EPB41L3: variants seen among roughly 807,000 people sequenced by gnomAD.
EPB41L3 encodes erythrocyte membrane protein band 4.1 like 3.
A neutral mutation model predicts 127.1 loss-of-function variants in EPB41L3; 57 were observed. The ratio of observed to expected loss-of-function variants is 0.45; its 90% CI spans 0.36 to 0.56. The LOEUF is 0.56. Among genes scored for constraint, EPB41L3 ranks in the 20% least tolerant of loss-of-function variants. The pLI is 0.00. For missense variants in EPB41L3, 1,273 were observed against 1,372.2 expected, an observed-to-expected ratio of 0.93 and a Z score of 1.14; for synonymous variants, 572 against 549.5, an observed-to-expected ratio of 1.04 and a Z score of -0.57.
At chr18:5,630,488 G>A, upstream of EPB41L3, 1 of 518,740 alleles carries the variant, frequency 1.9e-6, no homozygotes, top group Non-Finnish European at 3.8e-6. Flanking sequence ...AGGTAGGGCT[G>A]CTCACAGGTC....
Position 5,512,735 on chromosome 18 carries a change from G to A in EPB41L3, c.-11-23541C>T, listed in dbSNP as rs2092587178. 2.0e-5 allele frequency among the ~76,000 whole-genome samples: 3 copies of A among 152,114 alleles called. No individual in the cohort carries two copies. The South Asian group carries it at 6.2e-4, about 32-fold the overall frequency. ...GAGAGGAGTTTTGGAAGGCAGGGAG[G>A]ATGGGGAGCTTTAGCCCTCCCCAGT... On this transcript the variant is annotated intron_variant, in intron 1 of 22. Transcript: ENST00000341928.
At chr18:5,534,417 G>A (rs2093508187) in intron 1 of EPB41L3, among the ~76,000 whole-genome samples, 1 of 152,158 alleles carries the variant, frequency 6.6e-6, no homozygotes, top group South Asian at 2.1e-4. Context: ...TACTTGTCGG[G>A]ACATAAGGAG....
At chr18:5,580,587 T>C (rs1195825302) in intron 3 of EPB41L3, among the ~76,000 whole-genome samples, 2 of 152,176 alleles carry the variant, frequency 1.3e-5, no homozygotes, top group East Asian at 3.8e-4. Context: ...TACAATCATA[T>C]ATCCATTAGT....
At chr18:5,417,802 G>A (rs961929172) in intron 12 of EPB41L3, among the ~76,000 whole-genome samples, 8 of 152,020 alleles carry the variant, frequency 5.3e-5, no homozygotes, top group African/African-American at 7.3e-5. Flanking sequence ...CATTAAAGAC[G>A]GCACTTTAAA....
At chr18:5,425,342 T>C (rs566428001) in intron 9 of EPB41L3, among the ~76,000 whole-genome samples, 27 of 152,282 alleles carry the variant, frequency 1.8e-4, no homozygotes, top group African/African-American at 5.8e-4. Flanking sequence ...TTTCCCAACT[T>C]CTTATTCACT....
chr18:5,562,556 T>C (rs1005340858), intron 3 of EPB41L3, among the ~76,000 whole-genome samples: 4 of 152,192 alleles, frequency 2.6e-5, no homozygotes, highest in African/African-American at 4.8e-5. Context: ...TGGGTCAGGG[T>C]ACCAACCTCG....
At chr18:5,574,479 T>C (rs1422737716) in intron 3 of EPB41L3, among the ~76,000 whole-genome samples, 1 of 151,704 alleles carries the variant, frequency 6.6e-6, no homozygotes, top group Non-Finnish European at 1.5e-5. Context: ...TAGAATCAGT[T>C]TTTTTTTAAG....
chr18:5,566,805 T>C lies in EPB41L3; in HGVS notation c.-306+45535A>G, dbSNP rs986591385. On this transcript the variant is annotated intron_variant, in intron 3 of 21. Transcript: ENST00000545076. ...TTCTATTCTATTCCATTCCATTCCATTCTAATTTTATTTTTTTGGAGATGG... is the reference window on the plus strand; with the variant it reads ...TTCTATTCTATTCCATTCCATTCCACTCTAATTTTATTTTTTTGGAGATGG... Among the ~76,000 whole-genome samples the C allele has an allele frequency of 3.4e-4, 51 of 150,624 alleles. 2 individuals are homozygous for C. The highest frequency in any genetic ancestry group is 3.0e-5 in the Non-Finnish European group (2 of 67,790).
intron 16 of EPB41L3, among the ~76,000 whole-genome samples, chr18:5,402,487 C>T (rs1331068802): frequency 6.6e-6 from 1 of 152,002 alleles, no homozygotes; most frequent in East Asian, 1.9e-4. Context: ...TGTCTGAAAC[C>T]AACTAATTTA....
At position 5,564,072 on chromosome 18, in the gene EPB41L3, A is replaced by C. The variant is rs532097907; in HGVS notation, c.-306+48268T>G. Reference sequence around the variant, plus strand: ...AGATCTAACTAAGTCTTGTACAAAAAGAAGGGCTCAGAAGAGTCCACTAGA... The same window carrying C: ...AGATCTAACTAAGTCTTGTACAAAACGAAGGGCTCAGAAGAGTCCACTAGA... On this transcript the variant is annotated intron_variant, in intron 3 of 21. Transcript: ENST00000545076. Among the ~76,000 whole-genome samples the C allele has an allele frequency of 3.9e-5, 6 of 152,334 alleles. No individual in the cohort carries two copies. The South Asian group carries it at 1.2e-3, about 32-fold the overall frequency.
chr18:5,407,808 C>A, intron 14 of EPB41L3, 72 bp from the exon 15 acceptor site: 2 of 1,447,594 alleles, frequency 1.4e-6, no homozygotes, highest in South Asian at 2.3e-5. Flanking sequence ...GAACTATGGT[C>A]TACATAGACT....
At chr18:5,615,242 T>C (rs1396523259) in intron 1 of EPB41L3, among the ~76,000 whole-genome samples, 2 of 152,182 alleles carry the variant, frequency 1.3e-5, no homozygotes, top group African/African-American at 4.8e-5. Context: ...CTTTTTCTTC[T>C]CCTTTTTTTT....
chr18:5,502,209 T>C (rs1192307774), intron 1 of EPB41L3, among the ~76,000 whole-genome samples: 1 of 152,202 alleles, frequency 6.6e-6, no homozygotes, highest in African/African-American at 2.4e-5. Flanking sequence ...TTAAATTCTT[T>C]GTCTCCATTG....
chr18:5,410,648 A>G (rs1279455824), intron 13 of EPB41L3, 29 bp from the exon 14 acceptor site: 2 of 1,604,660 alleles, frequency 1.2e-6, no homozygotes. Flanking sequence ...ATCAGGTTCC[A>G]GGAGGAAGGC....
chr18:5,581,479 A>G (rs1216405704), intron 3 of EPB41L3, among the ~76,000 whole-genome samples: 1 of 152,214 alleles, frequency 6.6e-6, no homozygotes, highest in African/African-American at 2.4e-5. Context: ...TTATGTAAGT[A>G]AGTAGGATGG....
At chr18:5,427,277 T>C (rs575594524) in intron 9 of EPB41L3, among the ~76,000 whole-genome samples, 23 of 152,294 alleles carry the variant, frequency 1.5e-4, no homozygotes, top group Admixed American at 1.1e-3. Flanking sequence ...TTCAGAGATA[T>C]AAGTATGCTA....
chr18:5,471,770 G>A (rs1268981960), intron 3 of EPB41L3, among the ~76,000 whole-genome samples: 1 of 152,146 alleles, frequency 6.6e-6, no homozygotes, highest in East Asian at 1.9e-4. Flanking sequence ...AAGACTCAAA[G>A]GAGTTAGCTT....
intron 15 of EPB41L3, 130 bp from the exon 16 acceptor site, chr18:5,407,098 TCA>T (rs1598529745): frequency 1.3e-5 from 10 of 752,812 alleles, no homozygotes; most frequent in Non-Finnish European, 2.2e-5. Flanking sequence ...TGATCAAGGC[TCA>T]TGGCACTACC....
intron 13 of EPB41L3, among the ~76,000 whole-genome samples, chr18:5,412,935 A>G (rs2076378445): frequency 6.6e-6 from 1 of 151,984 alleles, no homozygotes; most frequent in Non-Finnish European, 1.5e-5. Flanking sequence ...TCTCAGCCAT[A>G]CACAAATAGC....
Sources: allele counts gnomAD v4.1 joint callset (sites outside exome capture counted in the v4.1 genomes callset), GRCh38; gene constraint gnomAD v4.1.1; transcripts MANE v1.5; gene names NCBI Gene and HGNC (gene_info 2026-07-23, HGNC 2026-07-21).